TMEM65: variants seen among roughly 807,000 people sequenced by gnomAD.
TMEM65 encodes the protein transmembrane protein 65.
In TMEM65, 22 loss-of-function variants were observed where a neutral mutation model predicts 25.4. The observed-to-expected ratio is 0.86, with a 90% CI of 0.62 to 1.23. The LOEUF is 1.23. Ranked by LOEUF, TMEM65 falls within the 50% of genes most tolerant of loss-of-function variation. The pLI, the probability that TMEM65 is intolerant of heterozygous loss-of-function variation, is 0.00. For synonymous variants in TMEM65, 132 were observed against 126.2 expected (o/e 1.05, Z -0.31); for missense variants, 262 against 308.2 (o/e 0.85, Z 1.12).
intron 1 of TMEM65, among the ~76,000 whole-genome samples, chr8:124,356,143 T>C (rs993860527): frequency 1.3e-5 from 2 of 152,184 alleles, no homozygotes; most frequent in Non-Finnish European, 2.9e-5. Context: ...CTTTTTTTAA[T>C]AAATTACCCA....
At position 124,312,616 on chromosome 8, in the gene TMEM65, C is replaced by T. The variant is rs1229988509; in HGVS notation, c.*1344G>A. 2 of 151,826 alleles carry T rather than the reference C, an allele frequency of 1.3e-5. No homozygotes were observed. Among genetic ancestry groups the T allele is most frequent in the African/African-American group, 4.8e-5 (2 of 41,368 alleles). 9.4% of individuals were successfully genotyped at this position (151,826 alleles called of 1,614,324 possible). The stretch of plus-strand genomic sequence containing the variant: ...GTTACAAGTAAGACTAATTTTTTAG[C>T]ATGTGTAACAGACCACATGCTAAAA... On this transcript the variant is annotated 3_prime_UTR_variant, in exon 7 of 7. Coordinates refer to ENST00000297632, the MANE Select transcript of TMEM65 (RefSeq NM_194291.3).
Position 124,312,184 on chromosome 8 carries a change from TTGTGTGGTTATCTG to T in TMEM65, c.*1762_*1775del, listed in dbSNP as rs373651119. 2.7e-4 allele frequency: 41 copies of T among 151,484 alleles called. No homozygotes were observed. Among genetic ancestry groups the T allele is most frequent in the African/African-American group, 9.4e-4 (39 of 41,386 alleles). The allele number at this position is 151,484 out of a possible 1,614,324, so 9.4% of individuals were successfully genotyped here. A position where few individuals can be genotyped will look rare whatever the true frequency, so the allele number is the denominator to read the frequency against. ...AATCAGAAATTTTACAAAGGATTTT[TTGTGTGGTTATCTG>T]TGTGTGGTTATTATATGGAAGATAC... On this transcript the variant is annotated 3_prime_UTR_variant, in exon 7 of 7. Coordinates refer to ENST00000297632, the MANE Select transcript of TMEM65 (RefSeq NM_194291.3).
intron 5 of TMEM65, among the ~76,000 whole-genome samples, chr8:124,320,518 A>C (rs1814291329): frequency 6.6e-6 from 1 of 152,214 alleles, no homozygotes; most frequent in African/African-American, 2.4e-5. Context: ...AAACAATTCA[A>C]GGTATGTAAC....
chr8:124,319,431 G>A (rs1814278520), intron 6 of TMEM65, among the ~76,000 whole-genome samples: 1 of 152,022 alleles, frequency 6.6e-6, no homozygotes, highest in Non-Finnish European at 1.5e-5. Flanking sequence ...TCTGATCCCT[G>A]CTTACTTCTC....
At chr8:124,334,494 G>A (rs962480238) in intron 1 of TMEM65, among the ~76,000 whole-genome samples, 3 of 151,972 alleles carry the variant, frequency 2.0e-5, no homozygotes, top group Non-Finnish European at 4.4e-5. Flanking sequence ...GGCTGGGCAC[G>A]GTGGCTCACA....
At chr8:124,362,483 G>A (rs1306826610) in intron 1 of TMEM65, among the ~76,000 whole-genome samples, 1 of 151,544 alleles carries the variant, frequency 6.6e-6, no homozygotes, top group Admixed American at 6.6e-5. Flanking sequence ...CCAACATAGC[G>A]AAACCCTGTC....
At chr8:124,336,069 T>C (rs1814503021) in intron 1 of TMEM65, among the ~76,000 whole-genome samples, 1 of 152,030 alleles carries the variant, frequency 6.6e-6, no homozygotes, top group Non-Finnish European at 1.5e-5. Flanking sequence ...GCTGGAGCTT[T>C]ATTAATATCA....
chr8:124,342,681 A>G (rs901036393), intron 1 of TMEM65, among the ~76,000 whole-genome samples: 1 of 152,112 alleles, frequency 6.6e-6, no homozygotes, highest in Non-Finnish European at 1.5e-5. Flanking sequence ...TTCCATTATT[A>G]AAAGCTCTGC....
Position 124,372,331 on chromosome 8 carries a change from C to G in TMEM65, c.-174G>C, listed in dbSNP as rs1586479132. ...CCCGCGCGGCTCTCGCCTCCTGTTC[C>G]GTCCCCACTTCCTTTCCAAAAGGCC... On this transcript the variant is annotated 5_prime_UTR_variant, in exon 1 of 7. Transcript: ENST00000297632. The G allele has an allele frequency of 2.5e-6, 1 of 404,974 alleles. No individual in the cohort carries two copies. The allele number at this position is 404,974 out of a possible 1,614,324, so 25.1% of individuals were successfully genotyped here.
At chr8:124,362,265 T>C (rs72711185) in intron 1 of TMEM65, among the ~76,000 whole-genome samples, 52,570 of 152,050 alleles carry the variant, frequency 0.35, 10,223 homozygotes, top group Non-Finnish European at 0.44. Context: ...TAATTTCATC[T>C]ATCTAGTTTA....
At chr8:124,357,140 T>G (rs1814793129) in intron 1 of TMEM65, among the ~76,000 whole-genome samples, 1 of 151,868 alleles carries the variant, frequency 6.6e-6, no homozygotes, top group Non-Finnish European at 1.5e-5. Context: ...TCTCTTCCAA[T>G]AAACACTGGT....
Position 124,313,867 on chromosome 8 carries a change from T to C in TMEM65, c.*93A>G. The C allele has an allele frequency of 1.2e-6, 1 of 832,406 alleles. No homozygotes were observed. Among genetic ancestry groups the C allele is most frequent in the South Asian group, 1.6e-5 (1 of 62,138 alleles). 51.6% of individuals were successfully genotyped at this position (832,406 alleles called of 1,614,324 possible). ...GCTAAATTATTTGATCCCATATCTA[T>C]ACTGTTACTGTCTTAATTCCTAAAT... On this transcript the variant is annotated 3_prime_UTR_variant, in exon 7 of 7. Transcript: ENST00000297632.
chr8:124,332,429 A>T (rs1428615738), intron 1 of TMEM65, among the ~76,000 whole-genome samples: 1 of 152,186 alleles, frequency 6.6e-6, no homozygotes, highest in Admixed American at 6.5e-5. Flanking sequence ...TTACTTCTTC[A>T]AATTCCCAAC....
At chr8:124,326,197 G>A (rs549125474) in intron 3 of TMEM65, among the ~76,000 whole-genome samples, 195 of 152,054 alleles carry the variant, frequency 1.3e-3, no homozygotes, top group Non-Finnish European at 6.9e-4. Flanking sequence ...CCCCACCTGG[G>A]AACTCATAAA....
intron 1 of TMEM65, among the ~76,000 whole-genome samples, chr8:124,347,906 T>C (rs75424793): frequency 0.079 from 11,895 of 150,448 alleles, 498 homozygotes; most frequent in African/African-American, 0.12. Context: ...TTTTTTTTTT[T>C]TGAGGCGGAG....
intron 1 of TMEM65, among the ~76,000 whole-genome samples, chr8:124,335,836 G>A (rs1251657777): frequency 1.3e-5 from 2 of 151,546 alleles, no homozygotes; most frequent in African/African-American, 2.4e-5. Flanking sequence ...AAAAACAGAG[G>A]GTCAAACAGA....
intron 6 of TMEM65, among the ~76,000 whole-genome samples, chr8:124,314,898 C>T (rs1210450390): frequency 6.6e-6 from 1 of 151,698 alleles, no homozygotes; most frequent in East Asian, 1.9e-4. Context: ...TGATCTTGAA[C>T]TCCTGGCTTC....
chr8:124,357,591 C>T (rs1814800837), intron 1 of TMEM65, among the ~76,000 whole-genome samples: 2 of 151,974 alleles, frequency 1.3e-5, no homozygotes, highest in Admixed American at 6.6e-5. Context: ...ACCATATTTG[C>T]TTTTGTATTG....
At chr8:124,364,406 C>T (rs922289888) in intron 1 of TMEM65, among the ~76,000 whole-genome samples, 2 of 152,122 alleles carry the variant, frequency 1.3e-5, no homozygotes, top group Non-Finnish European at 2.9e-5. Flanking sequence ...ATTTCACTAC[C>T]ACTATGACAG....
Sources: allele counts gnomAD v4.1 joint callset (sites outside exome capture counted in the v4.1 genomes callset), GRCh38; gene constraint gnomAD v4.1.1; transcripts MANE v1.5; gene names NCBI Gene and HGNC (gene_info 2026-07-23, HGNC 2026-07-21).